ATXN7: variants seen among roughly 807,000 people sequenced by gnomAD.
The protein encoded by ATXN7 is ataxin 7.
Under a neutral mutation model 70.5 loss-of-function variants are expected in ATXN7, and 12 were observed. The observed-to-expected ratio is 0.17, with a 90% CI of 0.11 to 0.28. The LOEUF (loss-of-function observed/expected upper bound fraction) is 0.28, where lower values mean the gene tolerates loss of function less well. ATXN7 is among the 10% of genes least tolerant of loss of function. The probability of loss-of-function intolerance (pLI) is 1.00; values close to 1 mark genes in which losing one functional copy is unlikely to be tolerated. For synonymous variants in ATXN7, 498 were observed against 448.7 expected (o/e 1.11, Z -1.39); for missense variants, 1,256 against 1,131.7 (o/e 1.11, Z -1.58).
At chr3:63,929,233 C>G (rs1704837499) in intron 4 of ATXN7, among the ~76,000 whole-genome samples, 1 of 151,164 alleles carries the variant, frequency 6.6e-6, no homozygotes, top group African/African-American at 2.4e-5. Flanking sequence ...CATTGTAATC[C>G]AAAGATTATC....
In ATXN7 at chr3:63,876,878, C is replaced by T. The variant is rs187154701; in HGVS notation, c.-111+12720C>T. 1.2e-4 allele frequency among the ~76,000 whole-genome samples: 19 copies of T among 152,222 alleles called. No homozygotes were observed. In the East Asian group the frequency reaches 3.7e-3, roughly 29 times the overall value. On this transcript the variant is annotated intron_variant, in intron 1 of 12. Coordinates refer to ENST00000674280, the MANE Select transcript of ATXN7 (RefSeq NM_001377405.1). ...ACTGCATATGATATCATCTGCATGGCGTTCTTACAGAGAGAAATAGTTGTA... is the reference window on the plus strand; with the variant it reads ...ACTGCATATGATATCATCTGCATGGTGTTCTTACAGAGAGAAATAGTTGTA...
At chr3:63,974,084 GGA>G (rs1285295252) in intron 5 of ATXN7, among the ~76,000 whole-genome samples, 1 of 151,978 alleles carries the variant, frequency 6.6e-6, no homozygotes, top group African/African-American at 2.4e-5. Context: ...GGGTTTCGTC[GGA>G]GACCCTCCCC....
At chr3:63,889,632 G>T (rs572287194) in intron 1 of ATXN7, among the ~76,000 whole-genome samples, 1 of 152,272 alleles carries the variant, frequency 6.6e-6, no homozygotes, top group South Asian at 2.1e-4. Context: ...TTAGTGTTTG[G>T]CTGCAAATAA....
intron 4 of ATXN7, among the ~76,000 whole-genome samples, chr3:63,950,441 G>A (rs2074934529): frequency 6.6e-6 from 1 of 152,058 alleles, no homozygotes; most frequent in Non-Finnish European, 1.5e-5. Flanking sequence ...ATTTAATACT[G>A]TTTTAACTGC....
intron 11 of ATXN7, among the ~76,000 whole-genome samples, chr3:63,993,446 C>T (rs184883272): frequency 4.7e-5 from 7 of 148,650 alleles, no homozygotes; most frequent in East Asian, 2.0e-4. Context: ...AGCGAGACTC[C>T]GTCTCAAAAA....
intron 4 of ATXN7, 91 bp downstream of exon 4, chr3:63,913,316 C>A: frequency 8.2e-7 from 1 of 1,212,862 alleles, no homozygotes; most frequent in Non-Finnish European, 1.2e-6. Flanking sequence ...CCCACCATAC[C>A]GACTCCCCGA....
chr3:63,912,679 C>G lies in ATXN7; in HGVS notation c.81C>G (p.Ala27=). 9.8e-7 allele frequency: 1 copy of G among 1,016,878 alleles called. No individual in the cohort carries two copies. The highest frequency in any genetic ancestry group is 1.2e-6 in the Non-Finnish European group (1 of 838,600). 63.0% of individuals were successfully genotyped at this position (1,016,878 alleles called of 1,614,324 possible). The part of the protein sequence containing the change: ...AAAAGGAAAA[A]ARQQQQQQQQ... The stretch of plus-strand genomic sequence containing the variant: ...CGGCGGGCGGAGCAGCGGCCGCGGC[C>G]GCCCGGCAGCAGCAGCAGCAGCAGC... Residue 27 remains alanine, a synonymous_variant, in exon 3 of 13, where the codon GCC becomes GCG. Coordinates refer to ENST00000674280, the MANE Select transcript of ATXN7 (RefSeq NM_001377405.1).
chr3:63,913,968 CTAATA>C (rs1704160029), intron 4 of ATXN7, among the ~76,000 whole-genome samples: 5 of 152,102 alleles, frequency 3.3e-5, no homozygotes, highest in Admixed American at 6.5e-5. Context: ...CTTTTGTTGT[CTAATA>C]CCTGCACTAG....
At chr3:63,977,969 AAGT>A (rs1287175804) in intron 5 of ATXN7, among the ~76,000 whole-genome samples, 2 of 152,234 alleles carry the variant, frequency 1.3e-5, no homozygotes, top group African/African-American at 2.4e-5. Flanking sequence ...AATTCAAGAC[AAGT>A]AGTAGTGGTG....
At chr3:63,905,834 A>C (rs1703820540) in intron 2 of ATXN7, 1 of 152,252 alleles carries the variant, frequency 6.6e-6, no homozygotes, top group South Asian at 2.1e-4. Context: ...TATGTTTATC[A>C]AAAGAGAATA....
At chr3:63,945,567 A>T (rs2074846078) in intron 4 of ATXN7, among the ~76,000 whole-genome samples, 1 of 152,250 alleles carries the variant, frequency 6.6e-6, no homozygotes, top group African/African-American at 2.4e-5. Flanking sequence ...TTACGGTGGC[A>T]TCACAAGGAC....
Position 63,984,963 on chromosome 3 carries a change from CCTT to C in ATXN7, c.1095+1946_1095+1948del, listed in dbSNP as rs1263976706. Among the ~76,000 whole-genome samples the C allele has an allele frequency of 3.9e-5, 6 of 152,228 alleles. No homozygotes were observed. In the South Asian group the frequency reaches 8.3e-4, roughly 21 times the overall value. On this transcript the variant is annotated intron_variant, in intron 8 of 12. Transcript: ENST00000674280. The stretch of plus-strand genomic sequence containing the variant: ...CTTGTTGTAGCATATTGCAGAATTT[CCTT>C]CTTTTTAAGGGCTGAATAGTATTCC...
chr3:63,935,155 C>T (rs1296597657), intron 4 of ATXN7, among the ~76,000 whole-genome samples: 2 of 152,196 alleles, frequency 1.3e-5, no homozygotes, highest in Non-Finnish European at 2.9e-5. Flanking sequence ...GATGCTGCTG[C>T]TCTTCCACTA....
At chr3:63,889,134 C>T (rs1354291518) in intron 1 of ATXN7, among the ~76,000 whole-genome samples, 5 of 151,994 alleles carry the variant, frequency 3.3e-5, no homozygotes, top group Non-Finnish European at 7.4e-5. Flanking sequence ...AATATGCCGA[C>T]GTAATAGCTG....
rs61736568 is a variant in ATXN7 at position 63,996,226 on chromosome 3, C to G, written c.2404C>G (p.Leu802Val). ...GATGGTGAACAGCAGTGATTCTACT[C>G]TTTCTCTTGGGCCATTCATTCACCA... ...SVMVNSSDSTLSLGPFIHQSN... is the reference protein window; with the variant it reads ...SVMVNSSDSTVSLGPFIHQSN... Residue 802 changes from leucine (L) to valine (V), a missense_variant, in exon 12 of 13, where the codon CTT becomes GTT. Leu to Val is a conservative substitution (Grantham distance 32, BLOSUM62 1). Transcript: ENST00000674280. The G allele has an allele frequency of 3.2e-5, 52 of 1,614,086 alleles. No homozygotes were observed. The Middle Eastern group carries it at 4.9e-4, about 15-fold the overall frequency.
upstream of ATXN7, chr3:63,863,731 G>A: frequency 1.6e-6 from 2 of 1,249,342 alleles, no homozygotes; most frequent in Non-Finnish European, 1.0e-6. Context: ...AGGCCCAGCG[G>A]GCCGTGCAGC....
At chr3:63,874,218 C>T (rs1457802377) in intron 1 of ATXN7, among the ~76,000 whole-genome samples, 1 of 152,172 alleles carries the variant, frequency 6.6e-6, no homozygotes, top group African/African-American at 2.4e-5. Flanking sequence ...CATTTTTATC[C>T]AGTGCATAGT....
intron 8 of ATXN7, among the ~76,000 whole-genome samples, chr3:63,986,395 G>T (rs1051316499): frequency 6.6e-6 from 1 of 152,190 alleles, no homozygotes; most frequent in African/African-American, 2.4e-5. Context: ...AAACTGAGCT[G>T]GGAAAATGTA....
At chr3:63,983,802 T>A (rs2075528149) in intron 8 of ATXN7, among the ~76,000 whole-genome samples, 1 of 152,166 alleles carries the variant, frequency 6.6e-6, no homozygotes, top group Non-Finnish European at 1.5e-5. Flanking sequence ...CACCTCTACA[T>A]AAATGAGCTT....
Sources: allele counts gnomAD v4.1 joint callset (sites outside exome capture counted in the v4.1 genomes callset), GRCh38; gene constraint gnomAD v4.1.1; transcripts MANE v1.5; gene names NCBI Gene and HGNC (gene_info 2026-07-23, HGNC 2026-07-21).